Variants in ATP8B2 observed in about 807,000 individuals in gnomAD.
ATP8B2 encodes the protein phospholipid-transporting ATPase ID.
Under a neutral mutation model 133.4 loss-of-function variants are expected in ATP8B2, and 70 were observed. The ratio of observed to expected loss-of-function variants is 0.52; its 90% CI spans 0.43 to 0.64. The LOEUF (loss-of-function observed/expected upper bound fraction) is 0.64. Among genes scored for constraint, ATP8B2 ranks in the 30% least tolerant of loss-of-function variants. The pLI is 0.00. For missense variants in ATP8B2, 1,101 were observed against 1,535.7 expected (o/e 0.72, Z 4.73); for synonymous variants, 517 against 589.5 (o/e 0.88, Z 1.78).
chr1:154,331,143 CTA>C lies in ATP8B2; in HGVS notation c.302_303del (p.Tyr101PhefsTer7), dbSNP rs759296153. 1.2e-6 allele frequency: 2 copies of C among 1,612,440 alleles called. No homozygotes were observed. The highest frequency in any genetic ancestry group is 1.7e-6 in the Non-Finnish European group (2 of 1,178,514). On this transcript the variant is annotated frameshift_variant and splice_region_variant, in exon 5 of 28. Coordinates refer to ENST00000368489, the MANE Select transcript of ATP8B2 (RefSeq NM_001370597.1). LOFTEE classifies it high-confidence loss of function. The surrounding 1 kb of genome is among the most constrained non-coding windows in gnomAD (Gnocchi z 4.8). Reference protein sequence around the residue: ...ITAVKDATDDYFRHKSDNQVN... With the variant: ...ITAVKDATDDXFRHKSDNQVN... ...CAGCTGTTAAAGATGCCACTGATGA[CTA>C]TGTGAGTGGTTTTCATTCTTCTATT...
At chr1:154,329,871 G>A (rs1384028179) in intron 2 of ATP8B2, among the ~76,000 whole-genome samples, 2 of 152,126 alleles carry the variant, frequency 1.3e-5, no homozygotes, top group African/African-American at 2.4e-5. Context: ...AGGGGGGACT[G>A]CACATGGGGC....
chr1:154,348,196 T>A (rs1686657759), intron 26 of ATP8B2, among the ~76,000 whole-genome samples: 1 of 152,102 alleles, frequency 6.6e-6, no homozygotes, highest in Non-Finnish European at 1.5e-5. Flanking sequence ...AGATGCCTGG[T>A]ATGTCAAGTC....
In ATP8B2 at chr1:154,328,259, G is replaced by A; in HGVS notation, c.31+87G>A. On this transcript the variant is annotated intron_variant, in intron 2 of 27. Transcript: ENST00000368489. This position sits in a 1 kb window ranked among gnomAD's most constrained non-coding sequence, Gnocchi z 4.6. ...GGGAGCAAAAGGAAAAGGGACAACT[G>A]GTATGGGTCTGAGGGAGGGTAGCTT... 8 of 1,402,238 alleles carry A rather than the reference G, an allele frequency of 5.7e-6. 1 individual carries two copies. Among genetic ancestry groups the A allele is most frequent in the South Asian group, 4.6e-5 (4 of 86,570 alleles). The allele number at this position is 1,402,238 out of a possible 1,614,324, so 86.9% of individuals were successfully genotyped here. A position where few individuals can be genotyped will look rare whatever the true frequency, so the allele number is the denominator to read the frequency against.
chr1:154,335,727 T>C (rs1205858763), intron 11 of ATP8B2, among the ~76,000 whole-genome samples: 1 of 145,272 alleles, frequency 6.9e-6, no homozygotes, highest in Non-Finnish European at 1.5e-5. Context: ...TAAGTTTGTT[T>C]CCCAAGTTTA....
chr1:154,347,358 G>A (rs1272493671), intron 26 of ATP8B2, among the ~76,000 whole-genome samples: 1 of 152,192 alleles, frequency 6.6e-6, no homozygotes, highest in Non-Finnish European at 1.5e-5. Context: ...TGGAGGGTGG[G>A]GGTGTGGAAT....
At position 154,343,392 on chromosome 1, in the gene ATP8B2, T is replaced by C; in HGVS notation, c.1643-61T>C. 1.9e-6 allele frequency: 3 copies of C among 1,605,308 alleles called. No homozygotes were observed. The highest frequency in any genetic ancestry group is 2.6e-6 in the Non-Finnish European group (3 of 1,173,362). On this transcript the variant is annotated intron_variant, in intron 16 of 27. Transcript: ENST00000368489. The surrounding 1 kb of genome is among the most constrained non-coding windows in gnomAD (Gnocchi z 5.8). Reference sequence around the variant, plus strand: ...TGCCGGGTGACTCTTGATGTGTTTATGTTGGGGGTCTTTGCCTGTCTGAAT... The same window carrying C: ...TGCCGGGTGACTCTTGATGTGTTTACGTTGGGGGTCTTTGCCTGTCTGAAT...
At chr1:154,332,734 A>G in intron 9 of ATP8B2, 37 bp downstream of exon 9, 2 of 1,495,088 alleles carry the variant, frequency 1.3e-6, no homozygotes, top group Non-Finnish European at 1.8e-6. Context: ...AAGGTAGAGG[A>G]GTGGGGTTGG....
rs1570878539 is a variant in ATP8B2 at position 154,351,267 on chromosome 1, A to C, written c.*2149A>C. The C allele has an allele frequency of 6.5e-6, 1 of 152,696 alleles. No homozygotes were observed. The highest frequency in any genetic ancestry group is 1.9e-4 in the East Asian group (1 of 5,190). The allele number at this position is 152,696 out of a possible 1,614,324, so 9.5% of individuals were successfully genotyped here. A position where few individuals can be genotyped will look rare whatever the true frequency, so the allele number is the denominator to read the frequency against. The stretch of plus-strand genomic sequence containing the variant: ...AAAAATTATATCATTTTATGGATAT[A>C]AGAGAAAAATGCCTTTTTATAAAAT... On this transcript the variant is annotated 3_prime_UTR_variant, in exon 28 of 28. Transcript: ENST00000368489.
Position 154,340,956 on chromosome 1 carries a change from A to C in ATP8B2, c.1137A>C (p.Leu379=), listed in dbSNP as rs1347495409. Residue 379 remains leucine (L), a synonymous_variant, in exon 13 of 28, where the codon CTA becomes CTC. Transcript: ENST00000368489. This position sits in a 1 kb window ranked among gnomAD's most constrained non-coding sequence, Gnocchi z 4.0. ...CTGCAGAAGCCCGCACCACCACCCTAAACGAGGAGCTGGGCCAGGTGGAGT... is the reference window on the plus strand; with the variant it reads ...CTGCAGAAGCCCGCACCACCACCCTCAACGAGGAGCTGGGCCAGGTGGAGT... ...RTPAEARTTT[L]NEELGQVEYI... is the part of the protein sequence containing the mutation. The C allele has an allele frequency of 1.9e-6, 3 of 1,614,154 alleles. No individual in the cohort carries two copies. The East Asian group carries it at 6.7e-5, about 36-fold the overall frequency.
rs922081307 is a variant in ATP8B2, at chr1:154,346,918, G to C, written c.3163+160G>C. Among the ~76,000 whole-genome samples the C allele has an allele frequency of 5.9e-5, 9 of 152,136 alleles. No individual in the cohort carries two copies. In the South Asian group the frequency reaches 8.3e-4, roughly 14 times the overall value. On this transcript the variant is annotated intron_variant, in intron 26 of 27. Coordinates refer to ENST00000368489, the MANE Select transcript of ATP8B2 (RefSeq NM_001370597.1). This position sits in a 1 kb window ranked among gnomAD's most constrained non-coding sequence, Gnocchi z 4.5. ...ATTTTCGAGAAGGAGTCTTGCCCAG[G>C]CTGGAGTGCAGTGGTGCGATCTCGG...
rs751883997 is a variant in ATP8B2, at chr1:154,343,293, C to T, written c.1634C>T (p.Ser545Leu). Residue 545 changes from serine to leucine, a missense_variant, in exon 16 of 28, where the codon TCG becomes TTG. By Grantham distance (145) the Ser-to-Leu change is moderately radical. Transcript: ENST00000368489. The surrounding 1 kb of genome is among the most constrained non-coding windows in gnomAD (Gnocchi z 5.8). ...LDFNNIRKRM[S>L]VIVRNPEGKI... ...TTCAACAACATCCGCAAGCGGATGT[C>T]GGTCATAGGTGAGGCCAGGCCTGGG... The T allele has an allele frequency of 4.3e-6, 7 of 1,613,978 alleles. No individual in the cohort carries two copies. The highest frequency in any genetic ancestry group is 2.2e-5 in the South Asian group (2 of 91,048).
chr1:154,334,415 C>T lies in ATP8B2; in HGVS notation c.749-88C>T. On this transcript the variant is annotated intron_variant, in intron 10 of 27. Transcript: ENST00000368489. The surrounding 1 kb of genome is among the most constrained non-coding windows in gnomAD (Gnocchi z 4.6). ...TATCTAGCCAGTATCTCTATTCCAC[C>T]CTGGTGTCCTGCAGTCTGGGGATCA... The T allele has an allele frequency of 6.5e-7, 1 of 1,529,256 alleles. No homozygotes were observed. 94.7% of individuals were successfully genotyped at this position (1,529,256 alleles called of 1,614,324 possible).
In ATP8B2 at chr1:154,344,005, GC is replaced by G; in HGVS notation, c.1873del (p.Arg625GlyfsTer16). 6.2e-7 allele frequency: 1 copy of G among 1,614,206 alleles called. No individual in the cohort carries two copies. Among genetic ancestry groups the G allele is most frequent in the Non-Finnish European group, 8.5e-7 (1 of 1,180,018 alleles). Reference protein sequence around the residue: ...RRLQASLAQDSREDRLASIYE... With the variant: ...RRLQASLAQDXREDRLASIYE... ...CTCCAGGCCAGCCTGGCCCAGGACA[GC>G]CGGGAGGACAGGCTGGCTAGCATCT... On this transcript the variant is annotated frameshift_variant, in exon 18 of 28. Coordinates refer to ENST00000368489, the MANE Select transcript of ATP8B2 (RefSeq NM_001370597.1). LOFTEE classifies it high-confidence loss of function. The surrounding 1 kb of genome is among the most constrained non-coding windows in gnomAD (Gnocchi z 4.1).
chr1:154,349,910 C>G lies in ATP8B2; in HGVS notation c.*792C>G, dbSNP rs1221887861. On this transcript the variant is annotated 3_prime_UTR_variant, in exon 28 of 28. Transcript: ENST00000368489. ...CCTCACCTTGAGAGTAAAGTGCTGCCCTCTGCCCCCAACACACACACATAT... is the reference window on the plus strand; with the variant it reads ...CCTCACCTTGAGAGTAAAGTGCTGCGCTCTGCCCCCAACACACACACATAT... The G allele has an allele frequency of 2.0e-5, 3 of 152,568 alleles. No individual in the cohort carries two copies. Among genetic ancestry groups the G allele is most frequent in the African/African-American group, 7.2e-5 (3 of 41,412 alleles). 9.5% of individuals were successfully genotyped at this position (152,568 alleles called of 1,614,324 possible).
chr1:154,329,871 G>C (rs1384028179), intron 2 of ATP8B2, among the ~76,000 whole-genome samples: 1 of 152,126 alleles, frequency 6.6e-6, no homozygotes, highest in Non-Finnish European at 1.5e-5. Context: ...AGGGGGGACT[G>C]CACATGGGGC....
rs1487581403 is a variant in ATP8B2, at chr1:154,349,668, A to G, written c.*550A>G. ...TGGAGGAGGCTTTTATGTGACTTTT[A>G]TGTTGTGGTTGGTGTCTTAACTCTC... On this transcript the variant is annotated 3_prime_UTR_variant, in exon 28 of 28. Coordinates refer to ENST00000368489, the MANE Select transcript of ATP8B2 (RefSeq NM_001370597.1). The G allele has an allele frequency of 3.2e-4, 49 of 154,844 alleles. No individual in the cohort carries two copies. Among genetic ancestry groups the G allele is most frequent in the Non-Finnish European group, 2.9e-5 (2 of 69,612 alleles). The allele number at this position is 154,844 out of a possible 1,614,324, so 9.6% of individuals were successfully genotyped here.
Position 154,345,537 on chromosome 1 carries a change from T to C in ATP8B2, c.2686T>C (p.Ser896Pro). 6.2e-7 allele frequency: 1 copy of C among 1,611,026 alleles called. No homozygotes were observed. The change falls in exon 23 of 28, where the codon TCA becomes CCA. Residue 896 changes from serine (S) to proline (P), a missense_variant. Ser to Pro is a moderately conservative substitution (Grantham distance 74). Transcript: ENST00000368489. The surrounding 1 kb of genome is among the most constrained non-coding windows in gnomAD (Gnocchi z 5.6). ...CTGGTTTGGCTTCTTCTGTGGCTTC[T>C]CAGCCCAGGTAATAAATGTTCCCAG... ...HFWFGFFCGF[S>P]AQTVYDQYFI...
rs777644850 is a variant in ATP8B2 at position 154,346,438 on chromosome 1, A to G, written c.2986A>G (p.Thr996Ala). 6.2e-7 allele frequency: 1 copy of G among 1,613,902 alleles called. No homozygotes were observed. Among genetic ancestry groups the G allele is most frequent in the Non-Finnish European group, 8.5e-7 (1 of 1,179,994 alleles). The change falls in exon 25 of 28, where the codon ACT becomes GCT. Residue 996 changes from threonine to alanine, a missense_variant. By Grantham distance (58) the Thr-to-Ala change is moderately conservative. Transcript: ENST00000368489. The surrounding 1 kb of genome is among the most constrained non-coding windows in gnomAD (Gnocchi z 4.5). ...GGCTGACTACCAGTCCTTTGCAGTCACTGTGGCCACATCCTTGGTCATTGT... is the reference window on the plus strand; with the variant it reads ...GGCTGACTACCAGTCCTTTGCAGTCGCTGTGGCCACATCCTTGGTCATTGT... ...QLADYQSFAVTVATSLVIVVS... is the reference protein window; with the variant it reads ...QLADYQSFAVAVATSLVIVVS...
Position 154,340,531 on chromosome 1 carries a change from TA to T in ATP8B2, c.1035-322del, listed in dbSNP as rs1345581706. 3.1e-6 allele frequency: 1 copy of T among 325,984 alleles called. No homozygotes were observed. Among genetic ancestry groups the T allele is most frequent in the African/African-American group, 2.1e-5 (1 of 46,958 alleles). The allele number at this position is 325,984 out of a possible 1,614,324, so 20.2% of individuals were successfully genotyped here. On this transcript the variant is annotated intron_variant, in intron 12 of 27. Coordinates refer to ENST00000368489, the MANE Select transcript of ATP8B2 (RefSeq NM_001370597.1). This position sits in a 1 kb window ranked among gnomAD's most constrained non-coding sequence, Gnocchi z 4.0. ...GTTTTTCTCTGCATGGTTTCTGTATTATTAGTCCTGAGGTAAGAACTGGCCG... is the reference window on the plus strand; with the variant it reads ...GTTTTTCTCTGCATGGTTTCTGTATTTTAGTCCTGAGGTAAGAACTGGCCG...
Sources: allele counts gnomAD v4.1 joint callset (sites outside exome capture counted in the v4.1 genomes callset), GRCh38; gene constraint gnomAD v4.1.1; non-coding constraint Gnocchi (gnomAD v3.1); transcripts MANE v1.5; gene names NCBI Gene and HGNC (gene_info 2026-07-23, HGNC 2026-07-21).